STIM2: variants seen among roughly 807,000 people sequenced by gnomAD.
The protein encoded by STIM2 is stromal interaction molecule 2.
Under a neutral mutation model 85.8 loss-of-function variants are expected in STIM2, and 31 were observed. That is an observed-to-expected ratio of 0.36 (90% CI 0.27 to 0.49). STIM2 has a LOEUF of 0.49. Among genes scored for constraint, STIM2 ranks in the 20% least tolerant of loss-of-function variants. STIM2 has a pLI of 0.98. For synonymous variants in STIM2, 356 were observed against 331.1 expected (o/e 1.08, Z -0.82); for missense variants, 841 against 927.6 (o/e 0.91, Z 1.21).
intron 1 of STIM2, among the ~76,000 whole-genome samples, chr4:26,879,902 G>C (rs1722940559): frequency 6.6e-6 from 1 of 152,096 alleles, no homozygotes; most frequent in African/African-American, 2.4e-5. Flanking sequence ...GAGTTTCTCT[G>C]CTTTTTTCTA....
At chr4:26,968,087 C>T (rs573634612) in intron 3 of STIM2, among the ~76,000 whole-genome samples, 12 of 152,194 alleles carry the variant, frequency 7.9e-5, no homozygotes, top group Non-Finnish European at 1.2e-4. Flanking sequence ...AGGAGGATCA[C>T]GTGTACTCAG....
At chr4:26,967,816 C>T (rs1414766515) in intron 3 of STIM2, among the ~76,000 whole-genome samples, 3 of 152,086 alleles carry the variant, frequency 2.0e-5, no homozygotes, top group Admixed American at 6.6e-5. Context: ...CTTTCCTCTT[C>T]CCCCTCCCCC....
At chr4:26,952,677 T>C (rs1226873753) in intron 2 of STIM2, among the ~76,000 whole-genome samples, 1 of 152,110 alleles carries the variant, frequency 6.6e-6, no homozygotes, top group Admixed American at 6.6e-5. Context: ...AACACTGTGC[T>C]ATCTGTTTGA....
intron 10 of STIM2, among the ~76,000 whole-genome samples, chr4:27,009,625 G>A (rs569811692): frequency 4.6e-5 from 7 of 152,202 alleles, no homozygotes; most frequent in South Asian, 2.1e-4. Flanking sequence ...AGAGTGAGGC[G>A]GCACTCAACT....
chr4:26,944,513 GTAAA>G (rs1414077265), intron 2 of STIM2, among the ~76,000 whole-genome samples: 1 of 151,960 alleles, frequency 6.6e-6, no homozygotes, highest in East Asian at 1.9e-4. Flanking sequence ...AAATATTTTT[GTAAA>G]TAATTGCATT....
intron 2 of STIM2, among the ~76,000 whole-genome samples, chr4:26,940,835 G>T (rs1302973553): frequency 6.6e-6 from 1 of 152,050 alleles, no homozygotes; most frequent in Non-Finnish European, 1.5e-5. Context: ...CATTAAAATT[G>T]CCAGGAAGAC....
At chr4:27,021,080 G>GTGA in intron 11 of STIM2, 2 of 1,532,590 alleles carry the variant, frequency 1.3e-6, no homozygotes, top group Non-Finnish European at 1.7e-6. Flanking sequence ...TGAGTAAGAT[G>GTGA]TGATCCCTGT....
chr4:26,948,890 G>A (rs1156732263), intron 2 of STIM2, among the ~76,000 whole-genome samples: 1 of 152,076 alleles, frequency 6.6e-6, no homozygotes, highest in African/African-American at 2.4e-5. Flanking sequence ...GTCTTTGGTT[G>A]TTAGAAGATT....
At chr4:26,883,676 T>C (rs1481330800) in intron 1 of STIM2, among the ~76,000 whole-genome samples, 1 of 152,176 alleles carries the variant, frequency 6.6e-6, no homozygotes, top group African/African-American at 2.4e-5. Context: ...AAATAAGATA[T>C]GAAAAGACTC....
intron 3 of STIM2, among the ~76,000 whole-genome samples, chr4:26,960,651 A>C (rs892563122): frequency 2.6e-5 from 4 of 152,218 alleles, no homozygotes; most frequent in Non-Finnish European, 5.9e-5. Flanking sequence ...ATTTCTTAAA[A>C]ACTTAACGTT....
At chr4:26,872,553 AT>A (rs1289899535) in intron 1 of STIM2, among the ~76,000 whole-genome samples, 1 of 152,216 alleles carries the variant, frequency 6.6e-6, no homozygotes, top group Non-Finnish European at 1.5e-5. Flanking sequence ...TTTTATAGAT[AT>A]GTATGCATAT....
chr4:26,964,327 A>G (rs996683486), intron 3 of STIM2, among the ~76,000 whole-genome samples: 4 of 152,180 alleles, frequency 2.6e-5, no homozygotes, highest in African/African-American at 4.8e-5. Flanking sequence ...TCTATTAGCA[A>G]TATTTACTGT....
intron 2 of STIM2, among the ~76,000 whole-genome samples, chr4:26,928,804 G>C (rs1725089792): frequency 6.6e-6 from 1 of 152,204 alleles, no homozygotes; most frequent in Non-Finnish European, 1.5e-5. Context: ...TAGGCATGTT[G>C]TAATAAAAGT....
At chr4:26,978,971 A>G (rs1379624488) in intron 3 of STIM2, among the ~76,000 whole-genome samples, 1 of 152,228 alleles carries the variant, frequency 6.6e-6, no homozygotes, top group African/African-American at 2.4e-5. Flanking sequence ...CTTTTGGACC[A>G]TAAATGGATT....
intron 3 of STIM2, among the ~76,000 whole-genome samples, chr4:26,987,319 G>A (rs1312157024): frequency 6.6e-6 from 1 of 152,170 alleles, no homozygotes; most frequent in East Asian, 1.9e-4. Context: ...ACCGAAAGTA[G>A]CAGACAGATG....
intron 1 of STIM2, among the ~76,000 whole-genome samples, chr4:26,914,711 G>T (rs1282810370): frequency 6.6e-6 from 1 of 152,114 alleles, no homozygotes; most frequent in Non-Finnish European, 1.5e-5. Flanking sequence ...TTAATACAAT[G>T]CATGTTCCCA....
intron 2 of STIM2, among the ~76,000 whole-genome samples, chr4:26,952,517 A>C (rs928772045): frequency 3.9e-5 from 6 of 152,124 alleles, no homozygotes; most frequent in African/African-American, 1.4e-4. Flanking sequence ...CTTCATGTGA[A>C]ATAAAGAACT....
In STIM2 at chr4:26,958,998, C is replaced by T. The variant is rs551416062; in HGVS notation, c.397+1272C>T. Among the ~76,000 whole-genome samples, 4 of 152,262 alleles carry T rather than the reference C, an allele frequency of 2.6e-5. No homozygotes were observed. In the East Asian group the frequency reaches 7.7e-4, roughly 29 times the overall value. Reference sequence around the variant, plus strand: ...TTTGACCACTTAGGTCTTGTACTACCTTTGTTCAGCCACCATCGTCTCTTG... The same window carrying T: ...TTTGACCACTTAGGTCTTGTACTACTTTTGTTCAGCCACCATCGTCTCTTG... On this transcript the variant is annotated intron_variant, in intron 3 of 11. Transcript: ENST00000467087.
chr4:27,007,760 A>T, intron 8 of STIM2, 60 bp downstream of exon 8: 1 of 1,452,284 alleles, frequency 6.9e-7, no homozygotes, highest in Non-Finnish European at 9.1e-7. Flanking sequence ...TCTTAGAGGG[A>T]TTACTCAGCT....
Sources: allele counts gnomAD v4.1 joint callset (sites outside exome capture counted in the v4.1 genomes callset), GRCh38; gene constraint gnomAD v4.1.1; transcripts MANE v1.5; gene names NCBI Gene and HGNC (gene_info 2026-07-23, HGNC 2026-07-21).